Variants in SH3BP2 observed in about 807,000 individuals in gnomAD.
The protein encoded by SH3BP2 is SH3 domain binding protein 2, also known as SH3 domain-binding protein 2.
SH3BP2 carries 38 observed loss-of-function variants against 56.2 expected under a neutral mutation model. The ratio of observed to expected loss-of-function variants is 0.68; its 90% confidence interval spans 0.52 to 0.89. The LOEUF (loss-of-function observed/expected upper bound fraction) is 0.89, where lower values mean the gene tolerates loss of function less well. SH3BP2 is among the 40% of genes least tolerant of loss of function. SH3BP2 has a pLI of 0.00. For synonymous variants in SH3BP2, 346 were observed against 316.7 expected, an observed-to-expected ratio of 1.09 and a Z score of -0.98; for missense variants, 748 against 762.6, an observed-to-expected ratio of 0.98 and a Z score of 0.23.
chr4:2,807,020 G>A (rs927514015), intron 1 of SH3BP2, among the ~76,000 whole-genome samples: 12 of 152,230 alleles, frequency 7.9e-5, no homozygotes, highest in South Asian at 2.1e-4. Flanking sequence ...TGGCCTGACC[G>A]TCTCTGCCTC....
At chr4:2,832,857 G>T in intron 11 of SH3BP2, 133 bp from the exon 12 acceptor site, 1 of 882,126 alleles carries the variant, frequency 1.1e-6, no homozygotes, top group Non-Finnish European at 1.9e-6. Flanking sequence ...GTGGTCTGGA[G>T]TCCCTCCCCG....
intron 5 of SH3BP2, 53 bp downstream of exon 5, chr4:2,825,249 G>T: frequency 6.9e-7 from 1 of 1,450,058 alleles, no homozygotes; most frequent in Non-Finnish European, 9.5e-7. Context: ...GGGCGCCTGG[G>T]CCTGACCCGG....
At chr4:2,795,782 TGGTGA>T (rs966465267) in intron 1 of SH3BP2, among the ~76,000 whole-genome samples, 1 of 151,842 alleles carries the variant, frequency 6.6e-6, no homozygotes, top group African/African-American at 2.4e-5. Context: ...ATGCCAGGTG[TGGTGA>T]GGGTATGGAG....
intron 11 of SH3BP2, 73 bp downstream of exon 11, chr4:2,832,485 C>T: frequency 3.5e-6 from 4 of 1,142,434 alleles, no homozygotes; most frequent in South Asian, 2.4e-5. Flanking sequence ...GGGCCCAGGA[C>T]TCCACAGTTC....
At chr4:2,815,805 G>A (rs1323683326) in intron 1 of SH3BP2, among the ~76,000 whole-genome samples, 4 of 152,194 alleles carry the variant, frequency 2.6e-5, no homozygotes, top group African/African-American at 9.7e-5. Flanking sequence ...TGTCCCCCCT[G>A]GGCTGGGTCT....
chr4:2,822,823 A>T, intron 2 of SH3BP2, 112 bp from the exon 3 acceptor site: 1 of 791,434 alleles, frequency 1.3e-6, no homozygotes, highest in Non-Finnish European at 2.2e-6. Context: ...TCCATTTGGT[A>T]AGGCTTAGAG....
At chr4:2,826,999 GTGTC>G (rs1560108689) in intron 5 of SH3BP2, 5 of 675,772 alleles carry the variant, frequency 7.4e-6, no homozygotes, top group Admixed American at 2.0e-5. Context: ...GTGCATGTGT[GTGTC>G]TGTCAGCGTA....
chr4:2,802,824 T>C lies in SH3BP2; in HGVS notation c.-5+9686T>C, dbSNP rs28525373. Among the ~76,000 whole-genome samples, 550 of 152,236 alleles carry C rather than the reference T, an allele frequency of 3.6e-3. 4 individuals carry two copies. The highest frequency in any genetic ancestry group is 0.013 in the African/African-American group (523 of 41,534). On this transcript the variant is annotated intron_variant, in intron 1 of 12. Coordinates refer to ENST00000503393, the MANE Select transcript of SH3BP2 (RefSeq NM_001122681.2). ...AGTGGACAGAGGGAAGGGACCCTGT[T>C]GTGCTGACTCAGCCTTGGTGGGTCC...
intron 1 of SH3BP2, chr4:2,814,902 C>T (rs1309934729): frequency 6.6e-6 from 1 of 152,276 alleles, no homozygotes; most frequent in African/African-American, 2.4e-5. Flanking sequence ...GACTGAAGCA[C>T]CCAGAGAGCT....
At chr4:2,799,254 C>T (rs553311875) in intron 1 of SH3BP2, 41 of 985,424 alleles carry the variant, frequency 4.2e-5, no homozygotes, top group Middle Eastern at 5.2e-4. Flanking sequence ...GGACCCTCAC[C>T]GCGACTGGAC....
chr4:2,806,826 G>A (rs1723554822), intron 1 of SH3BP2, among the ~76,000 whole-genome samples: 1 of 152,246 alleles, frequency 6.6e-6, no homozygotes, highest in Non-Finnish European at 1.5e-5. Context: ...AGAGAGGAAG[G>A]CCCAGTGGGG....
At chr4:2,818,758 T>C (rs923472341) in intron 1 of SH3BP2, 1 of 988,386 alleles carries the variant, frequency 1.0e-6, no homozygotes, top group Non-Finnish European at 1.2e-6. Flanking sequence ...GACCCGCCCC[T>C]GACCCCTCCC....
intron 12 of SH3BP2, 88 bp downstream of exon 12, chr4:2,833,137 G>T: frequency 1.6e-6 from 2 of 1,228,058 alleles, no homozygotes; most frequent in Non-Finnish European, 2.4e-6. Flanking sequence ...CATAGGCAGC[G>T]GGTAGACTGA....
intron 1 of SH3BP2, among the ~76,000 whole-genome samples, chr4:2,802,476 G>GTA (rs1165364489): frequency 9.5e-5 from 14 of 147,234 alleles, no homozygotes; most frequent in Non-Finnish European, 1.3e-4. Flanking sequence ...ATGTGTATGT[G>GTA]TATATATATG....
Position 2,832,495 on chromosome 4 carries a change from C to A in SH3BP2, c.1488+83C>A, listed in dbSNP as rs1725044962. ...TGGGTGGGCCCAGGACTCCACAGTTCCTAAACCACTCCCCTTGTGGACTCT... is the reference window on the plus strand; with the variant it reads ...TGGGTGGGCCCAGGACTCCACAGTTACTAAACCACTCCCCTTGTGGACTCT... On this transcript the variant is annotated intron_variant, in intron 11 of 12. Transcript: ENST00000503393. The A allele has an allele frequency of 5.0e-6, 5 of 993,936 alleles. No individual in the cohort carries two copies. In the South Asian group the frequency reaches 6.4e-5, roughly 13 times the overall value. The allele number at this position is 993,936 out of a possible 1,614,324, so 61.6% of individuals were successfully genotyped here. A position where few individuals can be genotyped will look rare whatever the true frequency, so the allele number is the denominator to read the frequency against.
chr4:2,806,274 C>T (rs1013584474), intron 1 of SH3BP2, among the ~76,000 whole-genome samples: 1 of 152,146 alleles, frequency 6.6e-6, no homozygotes. Flanking sequence ...CATAGGGTGC[C>T]CAGGCTGGCT....
chr4:2,815,188 G>A (rs1723942035), intron 1 of SH3BP2, among the ~76,000 whole-genome samples: 1 of 152,226 alleles, frequency 6.6e-6, no homozygotes. Flanking sequence ...TCTGCTCTCA[G>A]CCTGGCCTGG....
At chr4:2,799,335 G>A (rs1577333773) in intron 1 of SH3BP2, 2 of 983,108 alleles carry the variant, frequency 2.0e-6, no homozygotes, top group Non-Finnish European at 2.4e-6. Flanking sequence ...GTGTAAAGTG[G>A]AGGGAGGGGC....
At chr4:2,832,781 T>G (rs1483418346) in intron 11 of SH3BP2, among the ~76,000 whole-genome samples, 1 of 152,166 alleles carries the variant, frequency 6.6e-6, no homozygotes. Flanking sequence ...TATTGGTGGT[T>G]ATGAGCTGTT....
Sources: gnomAD v4.1 joint callset for allele counts (sites outside exome capture counted in the v4.1 genomes callset) on GRCh38, gnomAD v4.1.1 for gene constraint, MANE v1.5 for transcripts, NCBI Gene and HGNC (gene_info 2026-07-23, HGNC 2026-07-21) for gene names.